Variants in CDCP1 observed in about 807,000 individuals in gnomAD.
The protein encoded by CDCP1 is CUB domain-containing protein 1.
Under a neutral mutation model 60.2 loss-of-function variants are expected in CDCP1, and 29 were observed. The ratio of observed to expected loss-of-function variants is 0.48; its 90% CI spans 0.36 to 0.66. The LOEUF is 0.66. Among genes scored for constraint, CDCP1 ranks in the 30% least tolerant of loss-of-function variants. CDCP1 has a pLI of 0.00. For missense variants in CDCP1, 876 were observed against 1,074.3 expected, an observed-to-expected ratio of 0.82 and a Z score of 2.58; for synonymous variants, 387 against 431.1, an observed-to-expected ratio of 0.90 and a Z score of 1.27.
chr3:45,119,518 T>C (rs1346634925), intron 1 of CDCP1, among the ~76,000 whole-genome samples: 1 of 152,198 alleles, frequency 6.6e-6, no homozygotes, highest in Non-Finnish European at 1.5e-5. Context: ...GTAAATCCTG[T>C]GGAGGGAGCC....
chr3:45,103,750 G>A (rs1345558801), intron 4 of CDCP1, among the ~76,000 whole-genome samples: 2 of 152,184 alleles, frequency 1.3e-5, no homozygotes, highest in Non-Finnish European at 2.9e-5. Context: ...ACACATGCCC[G>A]TTTCCCTTGC....
At chr3:45,110,943 T>C (rs1371092119) in intron 3 of CDCP1, 102 bp from the exon 4 acceptor site, 1 of 1,304,678 alleles carries the variant, frequency 7.7e-7, no homozygotes, top group Non-Finnish European at 1.1e-6. Flanking sequence ...ATGACTGCAG[T>C]TCTCAGATCC....
intron 1 of CDCP1, among the ~76,000 whole-genome samples, chr3:45,134,141 CTTCT>C (rs1423531662): frequency 3.3e-5 from 5 of 151,498 alleles, no homozygotes; most frequent in Admixed American, 2.6e-4. Flanking sequence ...CTTAGATCTA[CTTCT>C]TTCTTTTTTT....
rs1194190518 is a variant in CDCP1, at chr3:45,118,392, G to A, written c.292+20C>T. On this transcript the variant is annotated intron_variant, in intron 2 of 8. Coordinates refer to ENST00000296129, the MANE Select transcript of CDCP1 (RefSeq NM_022842.5). ...GACATTTAAAAGACATTGTCAAACA[G>A]CTCACAAGTGTCTACTTACCAATAT... The A allele has an allele frequency of 7.7e-6, 12 of 1,564,098 alleles. No individual in the cohort carries two copies. Among genetic ancestry groups the A allele is most frequent in the Non-Finnish European group, 1.1e-5 (12 of 1,134,532 alleles).
intron 2 of CDCP1, among the ~76,000 whole-genome samples, chr3:45,115,440 T>C (rs991210198): frequency 6.6e-6 from 1 of 152,162 alleles, no homozygotes; most frequent in African/African-American, 2.4e-5. Flanking sequence ...TTTAATAGAG[T>C]AGCATCAAAC....
intron 3 of CDCP1, 52 bp downstream of exon 3, chr3:45,112,031 G>A (rs1018758065): frequency 3.6e-5 from 57 of 1,575,934 alleles, no homozygotes; most frequent in Non-Finnish European, 4.9e-5. Context: ...CTAGAACAAT[G>A]ATGATCTTGT....
chr3:45,124,025 C>G (rs1371662994), intron 1 of CDCP1, among the ~76,000 whole-genome samples: 1 of 152,178 alleles, frequency 6.6e-6, no homozygotes, highest in African/African-American at 2.4e-5. Context: ...CCTGACCTCT[C>G]CTTATTAGGA....
intron 1 of CDCP1, among the ~76,000 whole-genome samples, chr3:45,136,086 A>G (rs533717064): frequency 6.6e-6 from 1 of 152,204 alleles, no homozygotes; most frequent in South Asian, 2.1e-4. Flanking sequence ...GGGGTCGCCA[A>G]TATCTACAGA....
chr3:45,091,090 G>T lies in CDCP1; in HGVS notation c.1993+83C>A. 6.8e-7 allele frequency: 1 copy of T among 1,466,184 alleles called. No homozygotes were observed. The highest frequency in any genetic ancestry group is 9.2e-7 in the Non-Finnish European group (1 of 1,084,660). 90.8% of individuals were successfully genotyped at this position (1,466,184 alleles called of 1,614,324 possible). Reference sequence around the variant, plus strand: ...CAGTCAGGACTCAATCTGTGATTCTGACTTGTCTCCAGGCTTGCTCTCTAT... The same window carrying T: ...CAGTCAGGACTCAATCTGTGATTCTTACTTGTCTCCAGGCTTGCTCTCTAT... On this transcript the variant is annotated intron_variant, in intron 7 of 8. Transcript: ENST00000296129. The surrounding 1 kb of genome is among the most constrained non-coding windows in gnomAD (Gnocchi z 4.8).
At chr3:45,127,023 C>T (rs1295324093) in intron 1 of CDCP1, among the ~76,000 whole-genome samples, 1 of 152,140 alleles carries the variant, frequency 6.6e-6, no homozygotes, top group African/African-American at 2.4e-5. Context: ...CCACACACAA[C>T]CAGGAACTTT....
chr3:45,126,105 TC>T, intron 1 of CDCP1, among the ~76,000 whole-genome samples: 2 of 150,756 alleles, frequency 1.3e-5, no homozygotes, highest in South Asian at 2.1e-4. Flanking sequence ...TCTTTGTCTC[TC>T]TCTCTTTCTT....
chr3:45,126,136 T>TTC (rs1308625067), intron 1 of CDCP1, among the ~76,000 whole-genome samples: 6 of 138,804 alleles, frequency 4.3e-5, no homozygotes, highest in Non-Finnish European at 9.1e-5. Flanking sequence ...CTTTCTTTCT[T>TTC]TCTTTCTTTC....
chr3:45,132,704 G>A (rs950369017), intron 1 of CDCP1, among the ~76,000 whole-genome samples: 1 of 152,194 alleles, frequency 6.6e-6, no homozygotes, highest in Admixed American at 6.5e-5. Flanking sequence ...ACTGTGCAGA[G>A]CTTTTACAAG....
chr3:45,125,736 G>C (rs1437262682), intron 1 of CDCP1, among the ~76,000 whole-genome samples: 1 of 152,166 alleles, frequency 6.6e-6, no homozygotes, highest in Non-Finnish European at 1.5e-5. Flanking sequence ...GCACTGAAGA[G>C]GCAAACCTTA....
intron 4 of CDCP1, among the ~76,000 whole-genome samples, chr3:45,105,741 AT>A (rs1197887251): frequency 2.0e-5 from 3 of 152,214 alleles, no homozygotes; most frequent in African/African-American, 7.2e-5. Context: ...TCACATAATC[AT>A]TATCAGCAGG....
At chr3:45,135,614 G>A (rs1250262203) in intron 1 of CDCP1, among the ~76,000 whole-genome samples, 1 of 152,096 alleles carries the variant, frequency 6.6e-6, no homozygotes, top group Non-Finnish European at 1.5e-5. Flanking sequence ...CAGAGATGGT[G>A]GGAAATGCCA....
chr3:45,136,941 T>C (rs1220574213), intron 1 of CDCP1, among the ~76,000 whole-genome samples: 1 of 152,186 alleles, frequency 6.6e-6, no homozygotes, highest in Non-Finnish European at 1.5e-5. Context: ...TGTTATACCA[T>C]GCATTTGACA....
intron 1 of CDCP1, among the ~76,000 whole-genome samples, chr3:45,143,592 T>C (rs1274046269): frequency 2.0e-5 from 3 of 152,236 alleles, no homozygotes; most frequent in Non-Finnish European, 4.4e-5. Flanking sequence ...AGTTTGCTTA[T>C]AGATAATTTT....
intron 1 of CDCP1, among the ~76,000 whole-genome samples, chr3:45,119,340 A>G (rs1353139798): frequency 6.6e-6 from 1 of 152,190 alleles, no homozygotes; most frequent in East Asian, 1.9e-4. Flanking sequence ...AACAAGCCCA[A>G]TCTCCTTCCC....
Sources: gnomAD v4.1 joint callset for allele counts (sites outside exome capture counted in the v4.1 genomes callset) on GRCh38, gnomAD v4.1.1 for gene constraint, Gnocchi (gnomAD v3.1) non-coding constraint, MANE v1.5 for transcripts, NCBI Gene and HGNC (gene_info 2026-07-23, HGNC 2026-07-21) for gene names.